The following SDK1 variants were observed in gnomAD, a reference collection of about 807,000 sequenced individuals.
SDK1 encodes the protein protein sidekick-1.
SDK1 carries 157 observed loss-of-function variants against 245.5 expected under a neutral mutation model. The observed-to-expected ratio is 0.64, with a 90% confidence interval of 0.56 to 0.73. The LOEUF is 0.73. Ranked by LOEUF, SDK1 falls within the 30% of genes least tolerant of loss-of-function variation. The pLI, the probability that SDK1 is intolerant of heterozygous loss-of-function variation, is 0.00. For synonymous variants in SDK1, 1,647 were observed against 1,278.5 expected (o/e 1.29, Z -6.15); for missense variants, 3,583 against 3,002.3 (o/e 1.19, Z -4.52).
intron 5 of SDK1, among the ~76,000 whole-genome samples, chr7:3,904,469 G>C (rs2128106431): frequency 6.6e-6 from 1 of 152,242 alleles, no homozygotes; most frequent in South Asian, 2.1e-4. Context: ...TGAGGTGGGA[G>C]GATCGCTTGA....
intron 36 of SDK1, among the ~76,000 whole-genome samples, chr7:4,206,295 G>C (rs1562431869): frequency 6.6e-6 from 1 of 152,230 alleles, no homozygotes; most frequent in Non-Finnish European, 1.5e-5. Flanking sequence ...TGGCCTGGCT[G>C]GGGAACCCTT....
At chr7:3,662,110 T>C (rs1783383201) in intron 4 of SDK1, among the ~76,000 whole-genome samples, 1 of 151,546 alleles carries the variant, frequency 6.6e-6, no homozygotes, top group Non-Finnish European at 1.5e-5. Context: ...GCATTCTGTA[T>C]ATCTGGTTAC....
chr7:3,960,737 C>G (rs551332324), intron 8 of SDK1, among the ~76,000 whole-genome samples: 1 of 152,150 alleles, frequency 6.6e-6, no homozygotes, highest in African/African-American at 2.4e-5. Flanking sequence ...TCTACTGATT[C>G]GGCATAGGGG....
rs116538445 is a variant in SDK1 at position 3,993,591 on chromosome 7, A to C, written c.2131+6269A>C. On this transcript the variant is annotated intron_variant, in intron 14 of 44. Transcript: ENST00000404826. ...TCTAGTTATGCATGCTGATTAATAA[A>C]AATTTAGAAATCCCTTAAAGCACAA... is the stretch of plus-strand genomic sequence containing the variant. 4.1e-3 allele frequency among the ~76,000 whole-genome samples: 624 copies of C among 152,310 alleles called. 9 individuals carry two copies. The highest frequency in any genetic ancestry group is 0.015 in the African/African-American group (605 of 41,558).
chr7:3,595,916 C>T (rs1781045720), intron 1 of SDK1, among the ~76,000 whole-genome samples: 4 of 146,590 alleles, frequency 2.7e-5, no homozygotes, highest in Admixed American at 2.1e-4. Flanking sequence ...TCAACACTAA[C>T]CACTCTGGCT....
chr7:3,566,419 G>A (rs1309538727), intron 1 of SDK1, among the ~76,000 whole-genome samples: 3 of 151,886 alleles, frequency 2.0e-5, no homozygotes, highest in African/African-American at 4.8e-5. Flanking sequence ...TAGAGACGGG[G>A]TTTCACTGTG....
In SDK1 at chr7:4,210,049, C is replaced by T; in HGVS notation, c.5426C>T (p.Ala1809Val). The change falls in exon 38 of 45, where the codon GCG becomes GTG. Residue 1809 changes from alanine to valine, a missense_variant. By Grantham distance (64) the Ala-to-Val change is moderately conservative. Coordinates refer to ENST00000404826, the MANE Select transcript of SDK1 (RefSeq NM_152744.4). Reference sequence around the variant, plus strand: ...GCCCCTGGGGCCCCCAGCTTTCTGGCGTTCTCAGAAATAACCTCCACCACG... The same window carrying T: ...GCCCCTGGGGCCCCCAGCTTTCTGGTGTTCTCAGAAATAACCTCCACCACG... ...QAAPGAPSFL[A>V]FSEITSTTLN... 11 of 1,593,510 alleles carry T rather than the reference C, an allele frequency of 6.9e-6. No homozygotes were observed. The highest frequency in any genetic ancestry group is 2.3e-5 in the South Asian group (2 of 87,348).
rs1234993786 is a variant in SDK1, at chr7:4,266,080, C to G, written c.*696C>G. On this transcript the variant is annotated 3_prime_UTR_variant, in exon 45 of 45. Transcript: ENST00000404826. ...GCTTTTCTGCCTGTCTTTCCCCCTTCCTTCTCACCTGACAGCGAGGGAGAG... is the reference window on the plus strand; with the variant it reads ...GCTTTTCTGCCTGTCTTTCCCCCTTGCTTCTCACCTGACAGCGAGGGAGAG... The G allele has an allele frequency of 2.0e-6, 2 of 985,390 alleles. No individual in the cohort carries two copies. Among genetic ancestry groups the G allele is most frequent in the Admixed American group, 6.1e-5 (1 of 16,272 alleles). The allele number at this position is 985,390 out of a possible 1,614,324, so 61.0% of individuals were successfully genotyped here.
chr7:3,953,327 C>G (rs1221381719), intron 7 of SDK1, among the ~76,000 whole-genome samples: 1 of 152,178 alleles, frequency 6.6e-6, no homozygotes, highest in African/African-American at 2.4e-5. Context: ...CAGTGCAAAC[C>G]TGTCGGTCCC....
intron 4 of SDK1, among the ~76,000 whole-genome samples, chr7:3,774,214 CAAAAAA>C (rs35211488): frequency 3.0e-4 from 21 of 70,356 alleles, no homozygotes; most frequent in African/African-American, 9.5e-4. Context: ...GACTCCATCT[CAAAAAA>C]AAAAAAAAAA....
At chr7:3,557,646 T>C (rs1156781855) in intron 1 of SDK1, among the ~76,000 whole-genome samples, 1 of 152,228 alleles carries the variant, frequency 6.6e-6, no homozygotes, top group Non-Finnish European at 1.5e-5. Flanking sequence ...GTCCCAGCAT[T>C]GTACTAAGGC....
At chr7:4,060,091 C>G (rs1332965222) in intron 19 of SDK1, among the ~76,000 whole-genome samples, 1 of 152,064 alleles carries the variant, frequency 6.6e-6, no homozygotes, top group Non-Finnish European at 1.5e-5. Context: ...CCATGTTAGC[C>G]AGGATGGTCT....
At chr7:4,007,266 C>A (rs537657688) in intron 14 of SDK1, among the ~76,000 whole-genome samples, 1 of 152,136 alleles carries the variant, frequency 6.6e-6, no homozygotes, top group East Asian at 1.9e-4. Flanking sequence ...AGCCTCAGAG[C>A]GGGTTTCACT....
intron 5 of SDK1, among the ~76,000 whole-genome samples, chr7:3,921,298 T>C (rs1439917248): frequency 6.6e-6 from 1 of 152,226 alleles, no homozygotes; most frequent in Non-Finnish European, 1.5e-5. Flanking sequence ...ATTAACTATG[T>C]TATCATTTTC....
chr7:4,198,707 T>A (rs143041313), intron 35 of SDK1, among the ~76,000 whole-genome samples: 8 of 152,290 alleles, frequency 5.3e-5, no homozygotes, highest in Non-Finnish European at 1.0e-4. Context: ...GAGAAGCAGC[T>A]TGGACCTTAG....
intron 5 of SDK1, among the ~76,000 whole-genome samples, chr7:3,894,441 C>T (rs1245190786): frequency 1.9e-5 from 2 of 103,186 alleles, no homozygotes; most frequent in Non-Finnish European, 3.8e-5. Context: ...TGCCAGGCTC[C>T]GGGGGTGGTG....
At chr7:3,883,914 A>G (rs1583510476) in intron 5 of SDK1, among the ~76,000 whole-genome samples, 2 of 152,216 alleles carry the variant, frequency 1.3e-5, no homozygotes, top group East Asian at 1.9e-4. Context: ...TAAAACATCA[A>G]TACGATGAAG....
chr7:3,469,556 G>A (rs1781118615), intron 1 of SDK1, among the ~76,000 whole-genome samples: 1 of 152,158 alleles, frequency 6.6e-6, no homozygotes, highest in East Asian at 1.9e-4. Flanking sequence ...TTAGTTTTCC[G>A]GTTAGGGCCT....
intron 5 of SDK1, among the ~76,000 whole-genome samples, chr7:3,834,665 A>G (rs915667228): frequency 6.6e-6 from 1 of 152,170 alleles, no homozygotes; most frequent in Non-Finnish European, 1.5e-5. Flanking sequence ...TCTGCATTTA[A>G]TACAACCCCA....
Sources: allele counts gnomAD v4.1 joint callset (sites outside exome capture counted in the v4.1 genomes callset), GRCh38; gene constraint gnomAD v4.1.1; transcripts MANE v1.5; gene names NCBI Gene and HGNC (gene_info 2026-07-23, HGNC 2026-07-21).